The following DHX29 variants were observed in gnomAD, a reference collection of about 807,000 sequenced individuals.
DHX29 encodes the protein ATP-dependent RNA helicase DHX29.
Under a neutral mutation model 167.9 loss-of-function variants are expected in DHX29, and 79 were observed. That is an observed-to-expected ratio of 0.47 (90% CI 0.39 to 0.57). The LOEUF (loss-of-function observed/expected upper bound fraction) is 0.57, where lower values mean the gene tolerates loss of function less well. Ranked by LOEUF, DHX29 falls within the 20% of genes least tolerant of loss-of-function variation. The pLI, the probability that DHX29 is intolerant of heterozygous loss-of-function variation, is 0.00. For synonymous variants in DHX29, 530 were observed against 546.0 expected, an observed-to-expected ratio of 0.97 and a Z score of 0.41; for missense variants, 1,347 against 1,593.4, an observed-to-expected ratio of 0.85 and a Z score of 2.63.
chr5:55,296,564 C>A (rs1467544808), intron 3 of DHX29, among the ~76,000 whole-genome samples: 1 of 152,134 alleles, frequency 6.6e-6, no homozygotes, highest in Non-Finnish European at 1.5e-5. Context: ...TATCCATATT[C>A]TCACTATCCA....
In DHX29 at chr5:55,278,709, T is replaced by TATG. The variant is rs113104691; in HGVS notation, c.2110-1430_2110-1428dup. ...CTGATGCTGAGGACTGAGGAATGAG[T>TATG]ATGAAAAGAAAAAGAGAAGGAAGAA... On this transcript the variant is annotated intron_variant, in intron 12 of 26. Transcript: ENST00000251636. Among the ~76,000 whole-genome samples, 364 of 151,274 alleles carry TATG rather than the reference T, an allele frequency of 2.4e-3. 2 individuals carry two copies. Among genetic ancestry groups the TATG allele is most frequent in the Middle Eastern group, 0.024 (7 of 294 alleles).
chr5:55,259,061 G>C (rs890519490), intron 26 of DHX29, among the ~76,000 whole-genome samples: 1 of 152,068 alleles, frequency 6.6e-6, no homozygotes, highest in Admixed American at 6.6e-5. Context: ...GTCTAGGCTG[G>C]ACTTTAACTC....
Position 55,296,280 on chromosome 5 carries a change from G to C in DHX29, c.445C>G (p.Leu149Val), listed in dbSNP as rs1748313106. Residue 149 changes from leucine (L) to valine (V), a missense_variant, in exon 4 of 27, where the codon CTC (leucine) becomes GTC (valine). Coordinates refer to ENST00000251636, the MANE Select transcript of DHX29 (RefSeq NM_019030.4). ...GAATGAAGGTCACCTCCATATAAGA[G>C]TGTATTGGTCATGGCATCTTCAATG... is the stretch of plus-strand genomic sequence containing the variant. ...KDIEDAMTNT[L>V]LYGGDLHSAL... 7 of 1,613,528 alleles carry C rather than the reference G, an allele frequency of 4.3e-6. No individual in the cohort carries two copies. The highest frequency in any genetic ancestry group is 5.1e-6 in the Non-Finnish European group (6 of 1,179,746).
At chr5:55,268,518 G>C (rs1273632189) in intron 21 of DHX29, among the ~76,000 whole-genome samples, 1 of 151,964 alleles carries the variant, frequency 6.6e-6, no homozygotes, top group East Asian at 1.9e-4. Flanking sequence ...TCCTACTCCG[G>C]GGCTCTAGCA....
Position 55,278,223 on chromosome 5 carries a change from C to T in DHX29, c.2110-941G>A, listed in dbSNP as rs141831910. Among the ~76,000 whole-genome samples the T allele has an allele frequency of 2.2e-4, 34 of 152,262 alleles. No individual in the cohort carries two copies. In the East Asian group the frequency reaches 6.6e-3, roughly 29 times the overall value. On this transcript the variant is annotated intron_variant, in intron 12 of 26. Coordinates refer to ENST00000251636, the MANE Select transcript of DHX29 (RefSeq NM_019030.4). ...CAACTTTCTGTACTGTGACTTATTTCTACTCTATTTTATAACAGATTTAAG... is the reference window on the plus strand; with the variant it reads ...CAACTTTCTGTACTGTGACTTATTTTTACTCTATTTTATAACAGATTTAAG...
intron 14 of DHX29, 137 bp from the exon 15 acceptor site, chr5:55,275,147 A>G (rs1426615528): frequency 8.0e-6 from 8 of 998,750 alleles, no homozygotes; most frequent in South Asian, 1.6e-5. Flanking sequence ...TTGTTAAAAT[A>G]CAGGAAGCGT....
rs1748184575 is a variant in DHX29 at position 55,294,106 on chromosome 5, C to CA, written c.690_691insT (p.Glu231Ter). 1 of 1,603,260 alleles carries CA rather than the reference C, an allele frequency of 6.2e-7. No homozygotes were observed. Among genetic ancestry groups the CA allele is most frequent in the African/African-American group, 1.3e-5 (1 of 74,540 alleles). ...TGTTCAGCATATCGTAAAATCCACT[C>CA]TTTCATATTTACTTCCATATTTTTT... is the stretch of plus-strand genomic sequence containing the variant. On this transcript the variant is annotated frameshift_variant, in exon 6 of 27. Coordinates refer to ENST00000251636, the MANE Select transcript of DHX29 (RefSeq NM_019030.4). LOFTEE classifies it high-confidence loss of function.
At chr5:55,307,287 AT>A in intron 1 of DHX29, 99 bp downstream of exon 1, 1 of 1,006,540 alleles carries the variant, frequency 9.9e-7, no homozygotes, top group Non-Finnish European at 1.4e-6. Flanking sequence ...GGAAATAGAA[AT>A]GTTGGGCCCG....
intron 14 of DHX29, among the ~76,000 whole-genome samples, chr5:55,275,515 A>C (rs1487489392): frequency 2.0e-5 from 3 of 152,168 alleles, no homozygotes; most frequent in African/African-American, 7.2e-5. Flanking sequence ...TGCTTTAAAA[A>C]TTTAATTTTT....
intron 26 of DHX29, among the ~76,000 whole-genome samples, chr5:55,257,809 T>C (rs1233972553): frequency 6.6e-6 from 1 of 152,202 alleles, no homozygotes; most frequent in Non-Finnish European, 1.5e-5. Context: ...GAAACACTGA[T>C]ATCATTTCAA....
At chr5:55,266,063 G>A (rs891050492) in intron 23 of DHX29, among the ~76,000 whole-genome samples, 1 of 151,226 alleles carries the variant, frequency 6.6e-6, no homozygotes, top group Non-Finnish European at 1.5e-5. Context: ...GCAGTGGTGC[G>A]ATCTTGGCTC....
chr5:55,296,515 G>C (rs1748329624), intron 3 of DHX29, among the ~76,000 whole-genome samples, 166 bp from the exon 4 acceptor site: 1 of 151,912 alleles, frequency 6.6e-6, no homozygotes. Context: ...TTAAGAATTT[G>C]GAAACCAGAG....
At chr5:55,297,477 T>G in intron 2 of DHX29, 79 bp from the exon 3 acceptor site, 1 of 684,126 alleles carries the variant, frequency 1.5e-6, no homozygotes, top group East Asian at 2.9e-5. Flanking sequence ...GTTTTCTATA[T>G]TCCTGCCAAC....
chr5:55,274,878 G>C lies in DHX29; in HGVS notation c.2560C>G (p.Leu854Val). The change falls in exon 15 of 27, where the codon CTT (leucine) becomes GTT (valine). Residue 854 changes from leucine to valine, a missense_variant. Leu to Val is a conservative substitution (Grantham distance 32, BLOSUM62 1). Around this residue, in one of 3 missense-constraint regions of DHX29, gnomAD observed 882 missense variants for 1,082.4 expected, o/e 0.81. Transcript: ENST00000251636. ...AATAGAAATATACCTAAGTATGCAA[G>C]AAGTTCCAAAATGAGATCCAGGTTG... The part of the protein sequence containing the change: ...KINLDLILEL[L>V]AYLDKSPQFR... 6.2e-7 allele frequency: 1 copy of C among 1,613,240 alleles called. No individual in the cohort carries two copies. Among genetic ancestry groups the C allele is most frequent in the Non-Finnish European group, 8.5e-7 (1 of 1,179,710 alleles).
intron 18 of DHX29, among the ~76,000 whole-genome samples, chr5:55,271,005 A>AG (rs1746828163): frequency 6.6e-6 from 1 of 152,250 alleles, no homozygotes; most frequent in Non-Finnish European, 1.5e-5. Context: ...ATGTGACGAT[A>AG]ATTTTTGAAA....
intron 8 of DHX29, among the ~76,000 whole-genome samples, chr5:55,287,171 G>T (rs986874752): frequency 3.9e-5 from 6 of 152,198 alleles, no homozygotes; most frequent in African/African-American, 1.4e-4. Flanking sequence ...GCCAGGCATG[G>T]TGGGTCACAC....
intron 2 of DHX29, among the ~76,000 whole-genome samples, chr5:55,298,246 A>C (rs1484096666): frequency 6.6e-6 from 1 of 152,220 alleles, no homozygotes; most frequent in African/African-American, 2.4e-5. Context: ...AAAATCACGG[A>C]TTTAGAAGAA....
At chr5:55,258,377 A>G (rs1199870651) in intron 26 of DHX29, among the ~76,000 whole-genome samples, 3 of 152,254 alleles carry the variant, frequency 2.0e-5, no homozygotes, top group African/African-American at 7.2e-5. Context: ...TTTATTAAAA[A>G]TAATTAACTG....
At chr5:55,273,631 A>C (rs1042753300) in intron 16 of DHX29, among the ~76,000 whole-genome samples, 3 of 152,230 alleles carry the variant, frequency 2.0e-5, no homozygotes, top group African/African-American at 7.2e-5. Context: ...TATATGGTTT[A>C]CTACAGTAGT....
Sources: allele counts gnomAD v4.1 joint callset (sites outside exome capture counted in the v4.1 genomes callset), GRCh38; gene constraint gnomAD v4.1.1; regional missense constraint gnomAD v4.1.1; transcripts MANE v1.5; gene names NCBI Gene and HGNC (gene_info 2026-07-23, HGNC 2026-07-21).